FAM20B: variants seen among roughly 807,000 people sequenced by gnomAD.
FAM20B encodes FAM20B glycosaminoglycan xylosylkinase, also known as glycosaminoglycan xylosylkinase.
In FAM20B, 23 loss-of-function variants were observed where a neutral mutation model predicts 43.8. That is an observed-to-expected ratio of 0.53 (90% CI 0.38 to 0.74). FAM20B has a LOEUF of 0.74. Among genes scored for constraint, FAM20B ranks in the 30% least tolerant of loss-of-function variants. The pLI, the probability that FAM20B is intolerant of heterozygous loss-of-function variation, is 0.00. For synonymous variants in FAM20B, 178 were observed against 192.4 expected (o/e 0.93, Z 0.62); for missense variants, 440 against 510.5 (o/e 0.86, Z 1.33).
At chr1:179,055,132 T>C (rs1370579581) in intron 4 of FAM20B, among the ~76,000 whole-genome samples, 1 of 152,220 alleles carries the variant, frequency 6.6e-6, no homozygotes, top group East Asian at 1.9e-4. Flanking sequence ...GCCTACTCCT[T>C]CTGCAAGGGT....
chr1:179,069,408 T>C (rs548812796), intron 7 of FAM20B, among the ~76,000 whole-genome samples: 1 of 152,350 alleles, frequency 6.6e-6, no homozygotes. Context: ...TCTCGCTCTG[T>C]CGCCCAGGCT....
In FAM20B at chr1:179,044,004, G is replaced by T; in HGVS notation, c.157G>T (p.Ala53Ser). 5 of 1,614,138 alleles carry T rather than the reference G, an allele frequency of 3.1e-6. No homozygotes were observed. The highest frequency in any genetic ancestry group is 4.2e-6 in the Non-Finnish European group (5 of 1,180,006). ...RMMTGLRVELAPKLDHTLQSP... is the reference protein window; with the variant it reads ...RMMTGLRVELSPKLDHTLQSP... ...GATGACTGGCTTGCGGGTGGAGCTG[G>T]CACCCAAGCTGGACCATACCTTGCA... Residue 53 changes from alanine (A) to serine (S), a missense_variant, in exon 2 of 8, where the codon GCA (alanine) becomes TCA (serine). Ala to Ser is a moderately conservative substitution (Grantham distance 99). Coordinates refer to ENST00000263733, the MANE Select transcript of FAM20B (RefSeq NM_014864.4).
At chr1:179,041,138 G>A (rs1421007938) in intron 1 of FAM20B, among the ~76,000 whole-genome samples, 1 of 149,624 alleles carries the variant, frequency 6.7e-6, no homozygotes, top group African/African-American at 2.5e-5. Context: ...TAGATGGGAT[G>A]GCGGCCGGGC....
chr1:179,037,349 G>C (rs1650283659), intron 1 of FAM20B, among the ~76,000 whole-genome samples: 1 of 92,448 alleles, frequency 1.1e-5, no homozygotes, highest in African/African-American at 6.8e-5. Flanking sequence ...ATGAAAACTT[G>C]TTTAGTCTCT....
chr1:179,039,231 A>G (rs75815757), intron 1 of FAM20B, among the ~76,000 whole-genome samples: 1 of 152,352 alleles, frequency 6.6e-6, no homozygotes, highest in Non-Finnish European at 1.5e-5. Context: ...AAGCCTGTGC[A>G]TGTTTTTAAA....
chr1:179,066,668 G>A (rs1651701350), intron 6 of FAM20B, 132 bp from the exon 7 acceptor site: 1 of 658,646 alleles, frequency 1.5e-6, no homozygotes, highest in African/African-American at 1.8e-5. Flanking sequence ...TTCAATTTAA[G>A]TGATTTGAGC....
chr1:179,035,681 C>T (rs1650196259), intron 1 of FAM20B: 1 of 369,464 alleles, frequency 2.7e-6, no homozygotes, highest in Non-Finnish European at 5.1e-6. Context: ...AGAGGAGATT[C>T]TTGAAAGAAG....
chr1:179,068,456 G>T (rs12041914), intron 7 of FAM20B, among the ~76,000 whole-genome samples: 68,045 of 151,332 alleles, frequency 0.45, 15,523 homozygotes, highest in African/African-American at 0.49. Flanking sequence ...TTTTTTTGGA[G>T]ATGGAGTCTT....
intron 1 of FAM20B, among the ~76,000 whole-genome samples, chr1:179,039,870 G>A (rs1428673927): frequency 6.6e-6 from 1 of 152,116 alleles, no homozygotes; most frequent in Non-Finnish European, 1.5e-5. Context: ...CTAGGCAGAG[G>A]ACCCTGCGGC....
chr1:179,035,856 G>A (rs72707289), intron 1 of FAM20B, among the ~76,000 whole-genome samples: 3,269 of 152,178 alleles, frequency 0.021, 65 homozygotes, highest in Middle Eastern at 0.048. Flanking sequence ...CCGGCTGGGC[G>A]TGGTGGCTCA....
chr1:179,041,943 T>G (rs1650569119), intron 1 of FAM20B, among the ~76,000 whole-genome samples: 2 of 152,232 alleles, frequency 1.3e-5, no homozygotes, highest in Non-Finnish European at 2.9e-5. Context: ...CCTCATTGTT[T>G]TGGTTATTAG....
intron 7 of FAM20B, among the ~76,000 whole-genome samples, chr1:179,069,462 C>G (rs932687308): frequency 6.6e-6 from 1 of 152,152 alleles, no homozygotes; most frequent in African/African-American, 2.4e-5. Flanking sequence ...CCGCTGTCTC[C>G]CGGGTTCAGG....
At chr1:179,042,230 C>T (rs1300656994) in intron 1 of FAM20B, among the ~76,000 whole-genome samples, 2 of 152,224 alleles carry the variant, frequency 1.3e-5, no homozygotes, top group Non-Finnish European at 1.5e-5. Flanking sequence ...AAGCCAGGTG[C>T]AGAGCAGCAA....
rs766660827 is a variant in FAM20B, at chr1:179,064,325, A to C, written c.767A>C (p.Tyr256Ser). The C allele has an allele frequency of 2.4e-5, 38 of 1,611,498 alleles. No individual in the cohort carries two copies. The highest frequency in any genetic ancestry group is 3.0e-5 in the Non-Finnish European group (35 of 1,178,162). The change falls in exon 6 of 8, where the codon TAC becomes TCC. Residue 256 changes from tyrosine (Y) to serine (S), a missense_variant. Tyr to Ser is a moderately radical substitution (Grantham distance 144). Transcript: ENST00000263733. ...TCCAGGTGGGAGTATGATGAGAGCT[A>C]CTGTGATGCTGTGAAGAAAACGTCC... The part of the protein sequence containing the change: ...KLARWEYDES[Y>S]CDAVKKTSPY...
rs1040945938 is a variant in FAM20B at position 179,042,224 on chromosome 1, C to G, written c.-133-1491C>G. Among the ~76,000 whole-genome samples the G allele has an allele frequency of 5.3e-5, 8 of 152,334 alleles. No individual in the cohort carries two copies. In the East Asian group the frequency reaches 1.5e-3, roughly 29 times the overall value. On this transcript the variant is annotated intron_variant, in intron 1 of 7. Transcript: ENST00000263733. The stretch of plus-strand genomic sequence containing the variant: ...GATCTTATACCTGCCAAGGGCAAGC[C>G]AGGTGCAGAGCAGCAAGGGGTGTGT...
chr1:179,065,683 C>A (rs113610453), intron 6 of FAM20B, among the ~76,000 whole-genome samples: 1 of 152,174 alleles, frequency 6.6e-6, no homozygotes, highest in African/African-American at 2.4e-5. Flanking sequence ...TCTCCCTCTA[C>A]CCCATTACAG....
At chr1:179,038,450 G>A (rs757888760) in intron 1 of FAM20B, among the ~76,000 whole-genome samples, 1 of 151,498 alleles carries the variant, frequency 6.6e-6, no homozygotes, top group Non-Finnish European at 1.5e-5. Context: ...GGGTTAACCA[G>A]ACTTTAGTCC....
At chr1:179,033,563 TC>T (rs1209304940) in intron 1 of FAM20B, among the ~76,000 whole-genome samples, 1 of 152,198 alleles carries the variant, frequency 6.6e-6, no homozygotes, top group East Asian at 1.9e-4. Context: ...CTATGTCTTC[TC>T]CCCTGGTATT....
Position 179,072,504 on chromosome 1 carries a change from A to C in FAM20B, c.*360A>C, listed in dbSNP as rs928946757. 4.8e-6 allele frequency: 1 copy of C among 207,528 alleles called. No homozygotes were observed. The highest frequency in any genetic ancestry group is 2.3e-5 in the African/African-American group (1 of 43,330). The allele number at this position is 207,528 out of a possible 1,614,324, so 12.9% of individuals were successfully genotyped here. On this transcript the variant is annotated 3_prime_UTR_variant, in exon 8 of 8. Coordinates refer to ENST00000263733, the MANE Select transcript of FAM20B (RefSeq NM_014864.4). ...GCATGTGTTTTGAGTTGAACCTTGC[A>C]GTCCTTTCTCTACGCCCGTGGATTT...
Sources: allele counts gnomAD v4.1 joint callset (sites outside exome capture counted in the v4.1 genomes callset), GRCh38; gene constraint gnomAD v4.1.1; transcripts MANE v1.5; gene names NCBI Gene and HGNC (gene_info 2026-07-23, HGNC 2026-07-21).